The following ZMIZ1 variants were observed in gnomAD, a reference collection of about 807,000 sequenced individuals.
The protein encoded by ZMIZ1 is zinc finger MIZ domain-containing protein 1.
A neutral mutation model predicts 113.9 loss-of-function variants in ZMIZ1; 17 were observed. The ratio of observed to expected loss-of-function variants is 0.15; its 90% CI spans 0.10 to 0.22. The LOEUF (loss-of-function observed/expected upper bound fraction) is 0.22, where lower values mean the gene tolerates loss of function less well. Ranked by LOEUF, ZMIZ1 falls within the 10% of genes least tolerant of loss-of-function variation. The pLI is 1.00. For missense variants in ZMIZ1, 1,059 were observed against 1,477.8 expected (o/e 0.72, Z 4.65); for synonymous variants, 607 against 603.1 (o/e 1.01, Z -0.09).
chr10:79,247,054 TCCTGAGGTGC>T (rs1043973887), intron 7 of ZMIZ1, among the ~76,000 whole-genome samples: 1 of 152,208 alleles, frequency 6.6e-6, no homozygotes, highest in African/African-American at 2.4e-5. Flanking sequence ...TGTCCCTGTG[TCCTGAGGTGC>T]CCACTCCCCC....
chr10:79,208,169 G>A (rs1264033150), intron 5 of ZMIZ1, among the ~76,000 whole-genome samples, 167 bp from the exon 6 acceptor site: 3 of 149,948 alleles, frequency 2.0e-5, no homozygotes, highest in Non-Finnish European at 4.4e-5. Flanking sequence ...CGAGCACAGG[G>A]TGTGAAATCG....
At chr10:79,158,301 C>G (rs1845980694) in intron 3 of ZMIZ1, among the ~76,000 whole-genome samples, 1 of 152,154 alleles carries the variant, frequency 6.6e-6, no homozygotes, top group African/African-American at 2.4e-5. Context: ...TAACCCCTGC[C>G]CAGCACAGCA....
chr10:79,195,027 G>A (rs1454553517), intron 4 of ZMIZ1, among the ~76,000 whole-genome samples: 2 of 152,218 alleles, frequency 1.3e-5, no homozygotes, highest in African/African-American at 4.8e-5. Flanking sequence ...GAAAGGGGCA[G>A]CGTCTTGGCC....
intron 1 of ZMIZ1, among the ~76,000 whole-genome samples, chr10:79,093,135 AACACAC>A (rs5786379): frequency 0.013 from 1,453 of 107,942 alleles, 47 homozygotes; most frequent in East Asian, 0.091. Context: ...CCCCACCCCC[AACACAC>A]ACACACACAC....
chr10:79,278,584 C>G lies in ZMIZ1; in HGVS notation c.425+1259C>G, dbSNP rs550162926. ...GGTTTTCCTAGGCAGAGGGTCCTGC[C>G]GCCCTCCGCAGTGTTTGTGTCCCTG... On this transcript the variant is annotated intron_variant, in intron 8 of 24. Coordinates refer to ENST00000334512, the MANE Select transcript of ZMIZ1 (RefSeq NM_020338.4). Among the ~76,000 whole-genome samples, 789 of 145,342 alleles carry G rather than the reference C, an allele frequency of 5.4e-3. 1 individual carries two copies. The highest frequency in any genetic ancestry group is 0.011 in the Middle Eastern group (3 of 268).
intron 7 of ZMIZ1, among the ~76,000 whole-genome samples, chr10:79,231,490 C>A (rs1849391169): frequency 6.6e-6 from 1 of 151,462 alleles, no homozygotes; most frequent in African/African-American, 2.4e-5. Context: ...GTGATCTGCC[C>A]GCCTCGGCCT....
intron 7 of ZMIZ1, among the ~76,000 whole-genome samples, chr10:79,263,141 G>T (rs943558711): frequency 6.6e-6 from 1 of 152,254 alleles, no homozygotes; most frequent in Admixed American, 6.5e-5. Flanking sequence ...GCGCAGTGGC[G>T]CAGTGACAGA....
At chr10:79,082,877 C>G (rs1842702606) in intron 1 of ZMIZ1, among the ~76,000 whole-genome samples, 1 of 152,212 alleles carries the variant, frequency 6.6e-6, no homozygotes, top group Non-Finnish European at 1.5e-5. Context: ...GAGAACAAGG[C>G]TTCCTGGCTG....
intron 2 of ZMIZ1, among the ~76,000 whole-genome samples, chr10:79,134,542 C>T (rs1844912518): frequency 6.6e-6 from 1 of 152,246 alleles, no homozygotes; most frequent in African/African-American, 2.4e-5. Context: ...ACCTCCACCT[C>T]CTTCTACTTC....
intron 7 of ZMIZ1, among the ~76,000 whole-genome samples, chr10:79,251,183 A>G (rs1250601): frequency 0.53 from 81,048 of 151,790 alleles, 22,209 homozygotes; most frequent in South Asian, 0.6. Context: ...GTGCCCTCCC[A>G]AGCTTGCTCC....
intron 4 of ZMIZ1, among the ~76,000 whole-genome samples, chr10:79,163,676 G>A (rs1054029634): frequency 6.6e-6 from 1 of 152,230 alleles, no homozygotes; most frequent in Non-Finnish European, 1.5e-5. Flanking sequence ...AGTGCATAAG[G>A]CCTTAGAGGC....
At chr10:79,087,674 G>A (rs1017340356) in intron 1 of ZMIZ1, among the ~76,000 whole-genome samples, 4 of 152,158 alleles carry the variant, frequency 2.6e-5, no homozygotes, top group Admixed American at 6.5e-5. Context: ...GCCTCTCTAC[G>A]ATCTACAATC....
chr10:79,132,545 A>C (rs1047841962), intron 2 of ZMIZ1, among the ~76,000 whole-genome samples: 1 of 152,236 alleles, frequency 6.6e-6, no homozygotes, highest in Non-Finnish European at 1.5e-5. Context: ...CCATGCCCGT[A>C]AAAGTATACT....
chr10:79,143,894 G>C (rs1845374888), intron 3 of ZMIZ1, among the ~76,000 whole-genome samples: 1 of 152,172 alleles, frequency 6.6e-6, no homozygotes, highest in Admixed American at 6.5e-5. Context: ...CAGGACGTGA[G>C]AGGAGGCTCA....
chr10:79,210,833 C>T (rs1163901157), intron 6 of ZMIZ1, among the ~76,000 whole-genome samples: 1 of 152,100 alleles, frequency 6.6e-6, no homozygotes, highest in African/African-American at 2.4e-5. Context: ...CTGAAGGGAG[C>T]ATCTTTTGAG....
intron 1 of ZMIZ1, among the ~76,000 whole-genome samples, chr10:79,077,013 G>A (rs527958554): frequency 6.6e-6 from 1 of 152,216 alleles, no homozygotes; most frequent in South Asian, 2.1e-4. Context: ...CCACTGACTT[G>A]GTCCTGCCTT....
At chr10:79,300,704 GC>G in intron 16 of ZMIZ1, 27 bp from the exon 17 acceptor site, 1 of 1,607,888 alleles carries the variant, frequency 6.2e-7, no homozygotes, top group South Asian at 1.1e-5. Flanking sequence ...TGGCAGAGCT[GC>G]CCTGAGCACC....
At chr10:79,125,452 G>T (rs989406307) in intron 2 of ZMIZ1, among the ~76,000 whole-genome samples, 8 of 152,260 alleles carry the variant, frequency 5.3e-5, no homozygotes, top group African/African-American at 1.9e-4. Flanking sequence ...TGGATGGTGT[G>T]TGCTCACTCT....
At chr10:79,243,675 CCG>C in intron 7 of ZMIZ1, 1 of 304,132 alleles carries the variant, frequency 3.3e-6, no homozygotes, top group Non-Finnish European at 6.5e-6. Flanking sequence ...GCCGCGGCCG[CCG>C]CCGGCCGGGC....
Sources: gnomAD v4.1 joint callset for allele counts (sites outside exome capture counted in the v4.1 genomes callset) on GRCh38, gnomAD v4.1.1 for gene constraint, MANE v1.5 for transcripts, NCBI Gene and HGNC (gene_info 2026-07-23, HGNC 2026-07-21) for gene names.